The following COL13A1 variants were observed in gnomAD, a reference collection of about 807,000 sequenced individuals.
The protein encoded by COL13A1 is collagen type XIII alpha 1 chain.
In COL13A1, 89 loss-of-function variants were observed where a neutral mutation model predicts 130.9. That is an observed-to-expected ratio of 0.68 (90% confidence interval 0.57 to 0.81). The LOEUF (loss-of-function observed/expected upper bound fraction) is 0.81, where lower values mean the gene tolerates loss of function less well. COL13A1 is among the 30% of genes least tolerant of loss of function. The pLI, the probability that COL13A1 is intolerant of heterozygous loss-of-function variation, is 0.00. For missense variants in COL13A1, 879 were observed against 934.6 expected, an observed-to-expected ratio of 0.94 and a Z score of 0.78; for synonymous variants, 402 against 341.6, an observed-to-expected ratio of 1.18 and a Z score of -1.95.
intron 2 of COL13A1, among the ~76,000 whole-genome samples, chr10:69,843,357 C>T (rs918047668): frequency 2.0e-5 from 3 of 152,192 alleles, no homozygotes; most frequent in African/African-American, 7.2e-5. Flanking sequence ...GCCTTTGTCA[C>T]TTGTCAGCTG....
chr10:69,829,793 C>G (rs1386199989), intron 2 of COL13A1, among the ~76,000 whole-genome samples: 1 of 152,246 alleles, frequency 6.6e-6, no homozygotes, highest in East Asian at 1.9e-4. Flanking sequence ...TGCTGCGCGG[C>G]TGCTAAAATG....
intron 7 of COL13A1, 109 bp downstream of exon 7, chr10:69,880,662 G>C (rs540622436): frequency 1.7e-6 from 2 of 1,173,570 alleles, no homozygotes; most frequent in Non-Finnish European, 2.5e-6. Context: ...GCCCCTGGGT[G>C]GGGAGGCCAC....
chr10:69,900,411 G>A (rs1589393773), intron 14 of COL13A1, among the ~76,000 whole-genome samples: 1 of 152,208 alleles, frequency 6.6e-6, no homozygotes, highest in East Asian at 1.9e-4. Flanking sequence ...GCCACTGCAT[G>A]TTACTGCCTC....
intron 2 of COL13A1, among the ~76,000 whole-genome samples, chr10:69,839,731 C>T (rs1182010125): frequency 6.6e-6 from 1 of 150,408 alleles, no homozygotes; most frequent in South Asian, 2.1e-4. Flanking sequence ...TCGGAATGAG[C>T]TTGGTGTGTC....
chr10:69,839,818 C>T (rs374508995), intron 2 of COL13A1, among the ~76,000 whole-genome samples: 7 of 152,132 alleles, frequency 4.6e-5, no homozygotes, highest in East Asian at 1.9e-4. Context: ...TCAGGGAGGG[C>T]GCGGGCCAGT....
intron 34 of COL13A1, 107 bp downstream of exon 34, chr10:69,937,822 C>T (rs2067137911): frequency 1.6e-6 from 1 of 640,696 alleles, no homozygotes; most frequent in Non-Finnish European, 2.8e-6. Flanking sequence ...TCTGAGCATC[C>T]AGAGTTCCAT....
At chr10:69,837,770 T>G (rs73267739) in intron 2 of COL13A1, among the ~76,000 whole-genome samples, 1 of 151,748 alleles carries the variant, frequency 6.6e-6, no homozygotes, top group South Asian at 2.1e-4. Context: ...CATGTTCCCG[T>G]GGAACGGCGA....
intron 17 of COL13A1, among the ~76,000 whole-genome samples, chr10:69,911,738 C>T (rs2063400516): frequency 1.3e-5 from 2 of 152,262 alleles, no homozygotes; most frequent in African/African-American, 4.8e-5. Flanking sequence ...ACAGGGAGTA[C>T]TTGGTGTGTT....
chr10:69,925,898 A>G (rs1197352607), intron 26 of COL13A1, 26 bp downstream of exon 26: 2 of 1,558,370 alleles, frequency 1.3e-6, no homozygotes, highest in South Asian at 2.4e-5. Flanking sequence ...CCCAGAGGCC[A>G]AGATCCTCAT....
At chr10:69,851,031 C>T (rs1854638881) in intron 2 of COL13A1, among the ~76,000 whole-genome samples, 1 of 150,446 alleles carries the variant, frequency 6.6e-6, no homozygotes, top group African/African-American at 2.5e-5. Context: ...CTACAGGGGC[C>T]TTTCTACAGG....
chr10:69,951,749 C>T (rs1212538178), intron 38 of COL13A1, among the ~76,000 whole-genome samples: 1 of 152,190 alleles, frequency 6.6e-6, no homozygotes, highest in Non-Finnish European at 1.5e-5. Context: ...TTCACAAAGT[C>T]ACGCAGCTAA....
chr10:69,917,544 C>A (rs2064079578), intron 18 of COL13A1, among the ~76,000 whole-genome samples: 2 of 152,072 alleles, frequency 1.3e-5, no homozygotes, highest in Admixed American at 6.5e-5. Context: ...TCATAAAAAG[C>A]CATCTCAGGT....
chr10:69,877,006 T>G lies in COL13A1; in HGVS notation c.436-1033T>G, dbSNP rs565099783. Among the ~76,000 whole-genome samples, 4 of 152,272 alleles carry G rather than the reference T, an allele frequency of 2.6e-5. No individual in the cohort carries two copies. The South Asian group carries it at 8.3e-4, about 32-fold the overall frequency. On this transcript the variant is annotated intron_variant, in intron 5 of 40. Transcript: ENST00000645393. ...AGGAAGTGTCCACACTTCCCTCCCA[T>G]AGCAGTGGGGGTAGAAGGAGGGGAG...
At chr10:69,884,904 G>T (rs1050198376) in intron 7 of COL13A1, among the ~76,000 whole-genome samples, 5 of 152,178 alleles carry the variant, frequency 3.3e-5, no homozygotes, top group African/African-American at 1.2e-4. Context: ...ACATGATCAA[G>T]GCTTCATTTC....
chr10:69,829,706 T>C (rs1362339899), intron 2 of COL13A1, among the ~76,000 whole-genome samples: 1 of 152,230 alleles, frequency 6.6e-6, no homozygotes, highest in African/African-American at 2.4e-5. Flanking sequence ...CATAGCTCTC[T>C]ATGCCCCTCA....
intron 4 of COL13A1, among the ~76,000 whole-genome samples, chr10:69,873,247 A>G (rs1372513523): frequency 1.3e-5 from 2 of 152,234 alleles, no homozygotes; most frequent in African/African-American, 4.8e-5. Context: ...GACATGGATT[A>G]TACTGTAACC....
intron 1 of COL13A1, among the ~76,000 whole-genome samples, chr10:69,814,759 C>G (rs1476699400): frequency 6.6e-6 from 1 of 152,214 alleles, no homozygotes; most frequent in Non-Finnish European, 1.5e-5. Flanking sequence ...TCAACACTGC[C>G]AAGCTCTGCC....
At chr10:69,873,611 A>C (rs1252593845) in intron 4 of COL13A1, among the ~76,000 whole-genome samples, 1 of 152,258 alleles carries the variant, frequency 6.6e-6, no homozygotes, top group Non-Finnish European at 1.5e-5. Flanking sequence ...AGTTTTAAAA[A>C]AGAAATGAAA....
In COL13A1 at chr10:69,958,807, A is replaced by T; in HGVS notation, c.*106A>T. The T allele has an allele frequency of 6.9e-7, 1 of 1,455,074 alleles. No individual in the cohort carries two copies. The highest frequency in any genetic ancestry group is 1.2e-5 in the South Asian group (1 of 80,400). The allele number at this position is 1,455,074 out of a possible 1,614,324, so 90.1% of individuals were successfully genotyped here. ...GCCAGAAGTATGATGCATCTTACAG[A>T]TTATTAAAAAAGAAAGAAAAACCTG... On this transcript the variant is annotated 3_prime_UTR_variant, in exon 41 of 41. Coordinates refer to ENST00000645393, the MANE Select transcript of COL13A1 (RefSeq NM_001368882.1).
Sources: gnomAD v4.1 joint callset for allele counts (sites outside exome capture counted in the v4.1 genomes callset) on GRCh38, gnomAD v4.1.1 for gene constraint, MANE v1.5 for transcripts, NCBI Gene and HGNC (gene_info 2026-07-23, HGNC 2026-07-21) for gene names.